Variants in NDST3 observed in about 807,000 individuals in gnomAD.
The protein encoded by NDST3 is N-deacetylase and N-sulfotransferase 3, also known as bifunctional heparan sulfate N-deacetylase/N-sulfotransferase 3.
In NDST3, 58 loss-of-function variants were observed where a neutral mutation model predicts 96.1. The observed-to-expected ratio is 0.60, with a 90% confidence interval of 0.49 to 0.75. NDST3 has a LOEUF of 0.75. Among genes scored for constraint, NDST3 ranks in the 30% least tolerant of loss-of-function variants. NDST3 has a pLI of 0.00. For missense variants in NDST3, 788 were observed against 1,034.2 expected, an observed-to-expected ratio of 0.76 and a Z score of 3.27; for synonymous variants, 333 against 359.7, an observed-to-expected ratio of 0.93 and a Z score of 0.84.
intron 6 of NDST3, among the ~76,000 whole-genome samples, chr4:118,156,199 A>G (rs1487409230): frequency 2.0e-5 from 3 of 152,122 alleles, no homozygotes; most frequent in South Asian, 2.1e-4. Flanking sequence ...CTTGAACAAA[A>G]CTTTGTACTA....
intron 4 of NDST3, among the ~76,000 whole-genome samples, chr4:118,123,823 AGGGAAGACT>A (rs1405757303): frequency 1.3e-5 from 2 of 152,136 alleles, no homozygotes; most frequent in Non-Finnish European, 2.9e-5. Context: ...TATAATTGTT[AGGGAAGACT>A]GGGAGAAAAT....
chr4:118,228,335 T>C lies in NDST3; in HGVS notation c.1819+1353T>C, dbSNP rs1218357179. Among the ~76,000 whole-genome samples, 4 of 152,338 alleles carry C rather than the reference T, an allele frequency of 2.6e-5. No individual in the cohort carries two copies. In the East Asian group the frequency reaches 5.8e-4, roughly 22 times the overall value. On this transcript the variant is annotated intron_variant, in intron 8 of 13. Transcript: ENST00000296499. ...AACTCCCAGTCATCACATAACCTTG[T>C]CAAGACTGATAACATCCTGAAGGCT...
chr4:118,106,955 T>C (rs1366782172), intron 3 of NDST3, among the ~76,000 whole-genome samples: 2 of 152,166 alleles, frequency 1.3e-5, no homozygotes, highest in Admixed American at 1.3e-4. Flanking sequence ...CCAGGCATCG[T>C]GGCAGGCCCC....
At chr4:118,194,899 T>A in intron 6 of NDST3, 1 of 241,392 alleles carries the variant, frequency 4.1e-6, no homozygotes, top group Non-Finnish European at 7.9e-6. Context: ...CCTCTGCCAG[T>A]CTGTAGTATG....
Position 118,258,049 on chromosome 4 carries a change from C to T in NDST3, c.*2337C>T, listed in dbSNP as rs963115909. 3.3e-5 allele frequency: 5 copies of T among 152,144 alleles called. No homozygotes were observed. Among genetic ancestry groups the T allele is most frequent in the Admixed American group, 1.3e-4 (2 of 15,270 alleles). The allele number at this position is 152,144 out of a possible 1,614,324, so 9.4% of individuals were successfully genotyped here. ...ATTTATGCTTTAATGGTAAGATGTA[C>T]ATTTGAACTGCTAAGCAAAGCTGCT... On this transcript the variant is annotated 3_prime_UTR_variant, in exon 14 of 14. Transcript: ENST00000296499.
At chr4:118,103,071 T>C (rs1159232831) in intron 2 of NDST3, among the ~76,000 whole-genome samples, 1 of 152,108 alleles carries the variant, frequency 6.6e-6, no homozygotes, top group East Asian at 1.9e-4. Context: ...AAGACAGGTT[T>C]CTTATATATA....
chr4:118,227,011 A>C (rs1471158919), intron 8 of NDST3, 29 bp downstream of exon 8: 1 of 1,480,604 alleles, frequency 6.8e-7, no homozygotes, highest in Admixed American at 1.8e-5. Context: ...ATGATTAACG[A>C]GTGTAAATTT....
At position 118,196,511 on chromosome 4, in the gene NDST3, C is replaced by T. The variant is rs144766664; in HGVS notation, c.1540-27980C>T. On this transcript the variant is annotated intron_variant, in intron 6 of 13. Coordinates refer to ENST00000296499, the MANE Select transcript of NDST3 (RefSeq NM_004784.3). Reference sequence around the variant, plus strand: ...TTTACAGGGAGATTTTTAATTACAACTTCAATCATGTTACTTGTTATTGGT... The same window carrying T: ...TTTACAGGGAGATTTTTAATTACAATTTCAATCATGTTACTTGTTATTGGT... Among the ~76,000 whole-genome samples the T allele has an allele frequency of 4.3e-3, 659 of 152,188 alleles. 10 individuals are homozygous for T. The highest frequency in any genetic ancestry group is 1.9e-3 in the Non-Finnish European group (131 of 67,980).
At chr4:118,137,965 T>C in intron 4 of NDST3, 89 bp from the exon 5 acceptor site, 5 of 1,091,606 alleles carry the variant, frequency 4.6e-6, no homozygotes, top group African/African-American at 1.6e-5. Flanking sequence ...TTTAAATATA[T>C]ATATTTACAG....
At chr4:118,053,522 G>C (rs1725211752) in intron 1 of NDST3, among the ~76,000 whole-genome samples, 1 of 151,794 alleles carries the variant, frequency 6.6e-6, no homozygotes, top group African/African-American at 2.4e-5. Flanking sequence ...GAAATTTTCT[G>C]TTAGCCCAAA....
At chr4:118,099,256 G>A (rs1729583396) in intron 2 of NDST3, among the ~76,000 whole-genome samples, 1 of 152,154 alleles carries the variant, frequency 6.6e-6, no homozygotes, top group Middle Eastern at 3.4e-3. Flanking sequence ...CTGCTGTTCT[G>A]CCATGGTCAT....
intron 6 of NDST3, among the ~76,000 whole-genome samples, chr4:118,144,416 G>A (rs1185001528): frequency 6.6e-6 from 1 of 152,110 alleles, no homozygotes; most frequent in Non-Finnish European, 1.5e-5. Flanking sequence ...TCCTGACCTT[G>A]TGATCTGCCT....
At chr4:118,184,123 T>C (rs910998064) in intron 6 of NDST3, among the ~76,000 whole-genome samples, 1 of 152,326 alleles carries the variant, frequency 6.6e-6, no homozygotes, top group Non-Finnish European at 1.5e-5. Context: ...GAGAATGAAG[T>C]TGACAAAACA....
At chr4:118,096,998 TAGTC>T (rs571087460) in intron 2 of NDST3, among the ~76,000 whole-genome samples, 3 of 152,072 alleles carry the variant, frequency 2.0e-5, no homozygotes, top group East Asian at 1.9e-4. Context: ...ACTTGCAAAA[TAGTC>T]AGTCTTTTTG....
At chr4:118,056,825 G>A (rs1725473887) in intron 2 of NDST3, among the ~76,000 whole-genome samples, 1 of 151,880 alleles carries the variant, frequency 6.6e-6, no homozygotes, top group Non-Finnish European at 1.5e-5. Flanking sequence ...ATAAAGTGGG[G>A]GTGATAAATA....
chr4:118,150,917 G>T (rs1241814615), intron 6 of NDST3, among the ~76,000 whole-genome samples: 1 of 151,742 alleles, frequency 6.6e-6, no homozygotes, highest in African/African-American at 2.4e-5. Context: ...AAATCATACT[G>T]CTATAAAGAC....
chr4:118,041,715 A>G (rs957341242), intron 1 of NDST3, among the ~76,000 whole-genome samples: 7 of 152,092 alleles, frequency 4.6e-5, no homozygotes, highest in Admixed American at 1.3e-4. Context: ...TCAATTTTCT[A>G]TGTATTTTTG....
chr4:118,202,139 G>A (rs1336653634), intron 6 of NDST3, among the ~76,000 whole-genome samples: 4 of 151,994 alleles, frequency 2.6e-5, no homozygotes, highest in African/African-American at 7.2e-5. Flanking sequence ...TCTTCCATTT[G>A]TCTTTGTCTG....
chr4:118,061,399 G>A (rs1012535643), intron 2 of NDST3, among the ~76,000 whole-genome samples: 1 of 152,102 alleles, frequency 6.6e-6, no homozygotes, highest in African/African-American at 2.4e-5. Flanking sequence ...GATCACCAAT[G>A]ATGTGCTAAA....
Sources: gnomAD v4.1 joint callset for allele counts (sites outside exome capture counted in the v4.1 genomes callset) on GRCh38, gnomAD v4.1.1 for gene constraint, MANE v1.5 for transcripts, NCBI Gene and HGNC (gene_info 2026-07-23, HGNC 2026-07-21) for gene names.